DDX39A: variants seen among roughly 807,000 people sequenced by gnomAD.
DDX39A encodes ATP-dependent RNA helicase DDX39A.
DDX39A carries 13 observed loss-of-function variants against 46.3 expected under a neutral mutation model. That is an observed-to-expected ratio of 0.28 (90% CI 0.18 to 0.45). The LOEUF is 0.45. Ranked by LOEUF, DDX39A falls within the 20% of genes least tolerant of loss-of-function variation. DDX39A has a pLI of 1.00. For synonymous variants in DDX39A, 234 were observed against 224.6 expected (o/e 1.04, Z -0.38); for missense variants, 352 against 581.8 (o/e 0.61, Z 4.06).
Position 14,412,788 on chromosome 19 carries a change from C to T in DDX39A, c.209-110G>A, listed in dbSNP as rs576963740. On this transcript the variant is annotated intron_variant, in intron 2 of 10. Transcript: ENST00000242776. This position sits in a 1 kb window ranked among gnomAD's most constrained non-coding sequence, Gnocchi z 4.4. ...GAGGGCAATCAGAAGAGGCCGAGTC[C>T]GGACAAGGCCACAGACACCTGCAGG... 124 of 1,445,754 alleles carry T rather than the reference C, an allele frequency of 8.6e-5. 4 individuals are homozygous for T. The South Asian group carries it at 1.4e-3, about 16-fold the overall frequency. The allele number at this position is 1,445,754 out of a possible 1,614,324, so 89.6% of individuals were successfully genotyped here. A position where few individuals can be genotyped will look rare whatever the true frequency, so the allele number is the denominator to read the frequency against.
chr19:14,410,928 C>T lies in DDX39A; in HGVS notation c.613+61G>A. 1 of 1,460,804 alleles carries T rather than the reference C, an allele frequency of 6.8e-7. No homozygotes were observed. Among genetic ancestry groups the T allele is most frequent in the Non-Finnish European group, 9.1e-7 (1 of 1,100,398 alleles). 90.5% of individuals were successfully genotyped at this position (1,460,804 alleles called of 1,614,324 possible). A position where few individuals can be genotyped will look rare whatever the true frequency, so the allele number is the denominator to read the frequency against. On this transcript the variant is annotated intron_variant, in intron 5 of 10. Coordinates refer to ENST00000242776, the MANE Select transcript of DDX39A (RefSeq NM_005804.4). This position sits in a 1 kb window ranked among gnomAD's most constrained non-coding sequence, Gnocchi z 4.3. ...TGTAACCCACTCAAGAGCCTTCCGC[C>T]TGCTATGGGGCCCGCCTAGTCACTG...
intron 1 of DDX39A, among the ~76,000 whole-genome samples, chr19:14,414,310 G>C (rs1329875947): frequency 1.3e-5 from 2 of 150,028 alleles, no homozygotes; most frequent in East Asian, 3.9e-4. Flanking sequence ...CTGGCCCCAA[G>C]CTGCTATCAC....
At chr19:14,417,046 CA>C (rs1322491926) in intron 1 of DDX39A, among the ~76,000 whole-genome samples, 3 of 152,152 alleles carry the variant, frequency 2.0e-5, no homozygotes, top group African/African-American at 7.2e-5. Flanking sequence ...CTGAGCCACT[CA>C]ATCAGGATCT....
At position 14,410,823 on chromosome 19, in the gene DDX39A, G is replaced by T; in HGVS notation, c.613+166C>A. Reference sequence around the variant, plus strand: ...GGCCCCGTGGTCCCATTCGGCTCGGGCTCAGAAACAGCACATCCCTCTGCC... The same window carrying T: ...GGCCCCGTGGTCCCATTCGGCTCGGTCTCAGAAACAGCACATCCCTCTGCC... On this transcript the variant is annotated intron_variant, in intron 5 of 10. Coordinates refer to ENST00000242776, the MANE Select transcript of DDX39A (RefSeq NM_005804.4). This position sits in a 1 kb window ranked among gnomAD's most constrained non-coding sequence, Gnocchi z 4.3. 1 of 666,986 alleles carries T rather than the reference G, an allele frequency of 1.5e-6. No homozygotes were observed. Among genetic ancestry groups the T allele is most frequent in the Non-Finnish European group, 2.4e-6 (1 of 414,790 alleles). 41.3% of individuals were successfully genotyped at this position (666,986 alleles called of 1,614,324 possible). A position where few individuals can be genotyped will look rare whatever the true frequency, so the allele number is the denominator to read the frequency against.
At position 14,411,665 on chromosome 19, in the gene DDX39A, C is replaced by G; in HGVS notation, c.337-67G>C. On this transcript the variant is annotated intron_variant, in intron 3 of 10. Coordinates refer to ENST00000242776, the MANE Select transcript of DDX39A (RefSeq NM_005804.4). The surrounding 1 kb of genome is among the most constrained non-coding windows in gnomAD (Gnocchi z 4.1). ...TCCTAAACCCCTTCCCCACCAGAGT[C>G]CACCCAACCCAGTCCCCCTGACACT... 4.2e-6 allele frequency: 6 copies of G among 1,421,530 alleles called. No individual in the cohort carries two copies. The Middle Eastern group carries it at 7.0e-4, about 166-fold the overall frequency. 88.1% of individuals were successfully genotyped at this position (1,421,530 alleles called of 1,614,324 possible). A position where few individuals can be genotyped will look rare whatever the true frequency, so the allele number is the denominator to read the frequency against.
chr19:14,409,607 G>C lies in DDX39A; in HGVS notation c.903C>G (p.Ala301=), dbSNP rs1340119507. 1 of 1,612,160 alleles carries C rather than the reference G, an allele frequency of 6.2e-7. No homozygotes were observed. The highest frequency in any genetic ancestry group is 1.7e-5 in the Admixed American group (1 of 60,002). ...TCTGCTCCACGAGGAGCTGGGCCAG[G>C]GCCATGCAGCGCTGCACTGACTTGA... ...IFVKSVQRCM[A]LAQLLVEQNF... is the part of the protein sequence containing the mutation. The change falls in exon 8 of 11, where the codon GCC becomes GCG. Residue 301 remains alanine, a synonymous_variant. Coordinates refer to ENST00000242776, the MANE Select transcript of DDX39A (RefSeq NM_005804.4). The surrounding 1 kb of genome is among the most constrained non-coding windows in gnomAD (Gnocchi z 8.3).
rs1976472724 is a variant in DDX39A at position 14,409,583 on chromosome 19, C to A, written c.927G>T (p.Gln309His). Residue 309 changes from glutamine to histidine, a missense_variant, in exon 8 of 11, where the codon CAG (glutamine) becomes CAT (histidine). Around this residue, in one of 3 missense-constraint regions of DDX39A, gnomAD observed 301 missense variants for 469.9 expected, o/e 0.64. Coordinates refer to ENST00000242776, the MANE Select transcript of DDX39A (RefSeq NM_005804.4). The surrounding 1 kb of genome is among the most constrained non-coding windows in gnomAD (Gnocchi z 8.3). Reference sequence around the variant, plus strand: ...GGTGGATGGCGATGGCCGGGAAGTTCTGCTCCACGAGGAGCTGGGCCAGGG... The same window carrying A: ...GGTGGATGGCGATGGCCGGGAAGTTATGCTCCACGAGGAGCTGGGCCAGGG... ...CMALAQLLVE[Q>H]NFPAIAIHRG... 1 of 1,611,496 alleles carries A rather than the reference C, an allele frequency of 6.2e-7. No homozygotes were observed. The highest frequency in any genetic ancestry group is 8.5e-7 in the Non-Finnish European group (1 of 1,179,380).
intron 1 of DDX39A, among the ~76,000 whole-genome samples, chr19:14,414,342 T>C (rs1165468358): frequency 2.2e-5 from 3 of 134,748 alleles, no homozygotes; most frequent in Non-Finnish European, 3.2e-5. Flanking sequence ...TTATTATTAT[T>C]ATTATTATTA....
rs1481068695 is a variant in DDX39A, at chr19:14,411,310, A to T, written c.430-138T>A. ...GCCTCCCGGGGCTCCACTCAAAGGC[A>T]GCCCCAGGCTGGGACCTGCGCAGGC... On this transcript the variant is annotated intron_variant, in intron 4 of 10. Transcript: ENST00000242776. This position sits in a 1 kb window ranked among gnomAD's most constrained non-coding sequence, Gnocchi z 4.1. The T allele has an allele frequency of 1.2e-5, 14 of 1,145,546 alleles. No homozygotes were observed. The highest frequency in any genetic ancestry group is 5.0e-5 in the Admixed American group (2 of 40,040). The allele number at this position is 1,145,546 out of a possible 1,614,324, so 71.0% of individuals were successfully genotyped here.
At position 14,409,044 on chromosome 19, in the gene DDX39A, G is replaced by C. The variant is rs1455661523; in HGVS notation, c.1260C>G (p.Ser420=). The C allele has an allele frequency of 6.2e-7, 1 of 1,614,244 alleles. No individual in the cohort carries two copies. Among genetic ancestry groups the C allele is most frequent in the East Asian group, 2.2e-5 (1 of 44,884 alleles). The part of the protein sequence containing the change: ...VAELPEEIDI[S]TYIEQSR ...CCTGCCCAAGGCACTTACTGTATGT[G>C]GAGATGTCGATTTCCTCTGGAAGTT... The change falls in exon 10 of 11, where the codon TCC becomes TCG. Residue 420 remains serine (S), a synonymous_variant. Transcript: ENST00000242776. The surrounding 1 kb of genome is among the most constrained non-coding windows in gnomAD (Gnocchi z 8.3).
Position 14,412,600 on chromosome 19 carries a change from G to A in DDX39A, c.287C>T (p.Ala96Val), listed in dbSNP as rs374281705. Residue 96 changes from alanine (A) to valine (V), a missense_variant, in exon 3 of 11, where the codon GCG (alanine) becomes GTG (valine). By Grantham distance (64) the Ala-to-Val change is moderately conservative. Around this residue, in one of 3 missense-constraint regions of DDX39A, gnomAD observed 301 missense variants for 469.9 expected, o/e 0.64. Coordinates refer to ENST00000242776, the MANE Select transcript of DDX39A (RefSeq NM_005804.4). This position sits in a 1 kb window ranked among gnomAD's most constrained non-coding sequence, Gnocchi z 4.4. Reference protein sequence around the residue: ...CQAKSGMGKTAVFVLATLQQI... With the variant: ...CQAKSGMGKTVVFVLATLQQI... ...CTGTAGGGTGGCCAGCACGAAGACC[G>A]CTGTCTTGCCCATCCCGGACTTGGC... 5.0e-6 allele frequency: 8 copies of A among 1,610,748 alleles called. No individual in the cohort carries two copies. The African/African-American group carries it at 6.7e-5, about 13-fold the overall frequency.
chr19:14,411,767 T>TCCTATA lies in DDX39A; in HGVS notation c.337-170_337-169insTATAGG, dbSNP rs1202145598. ...CTCACGGCCCTTCCCCACCCCTCAC[T>TCCTATA]CCCTATACCCTCCCACAGCTATTGA... On this transcript the variant is annotated intron_variant, in intron 3 of 10. Coordinates refer to ENST00000242776, the MANE Select transcript of DDX39A (RefSeq NM_005804.4). This position sits in a 1 kb window ranked among gnomAD's most constrained non-coding sequence, Gnocchi z 4.1. Among the ~76,000 whole-genome samples the TCCTATA allele has an allele frequency of 6.1e-5, 9 of 147,294 alleles. No individual in the cohort carries two copies. Among genetic ancestry groups the TCCTATA allele is most frequent in the African/African-American group, 2.3e-4 (9 of 39,552 alleles).
chr19:14,409,440 G>A lies in DDX39A; in HGVS notation c.982C>T (p.Arg328Cys), dbSNP rs771494825. 38 of 1,613,956 alleles carry A rather than the reference G, an allele frequency of 2.4e-5. No individual in the cohort carries two copies. Among genetic ancestry groups the A allele is most frequent in the South Asian group, 6.6e-5 (6 of 91,088 alleles). The change falls in exon 9 of 11, where the codon CGC becomes TGC. Residue 328 changes from arginine (R) to cysteine (C), a missense_variant. Arg to Cys is a radical substitution (Grantham distance 180, BLOSUM62 -3). Coordinates refer to ENST00000242776, the MANE Select transcript of DDX39A (RefSeq NM_005804.4). This position sits in a 1 kb window ranked among gnomAD's most constrained non-coding sequence, Gnocchi z 8.3. Reference protein sequence around the residue: ...RGMAQEERLSRYQQFKDFQRR... With the variant: ...RGMAQEERLSCYQQFKDFQRR... The stretch of plus-strand genomic sequence containing the variant: ...TGGAAATCCTTGAACTGCTGATAGC[G>A]TGACAGGCTGGGGTGCAGGAGAAAC...
At chr19:14,418,232 A>T (rs1976898733) in intron 1 of DDX39A, among the ~76,000 whole-genome samples, 1 of 152,086 alleles carries the variant, frequency 6.6e-6, no homozygotes, top group Non-Finnish European at 1.5e-5. Context: ...TCTAAAGCTC[A>T]AAACTGATTA....
intron 1 of DDX39A, chr19:14,416,324 C>T (rs987201738): frequency 1.3e-5 from 2 of 152,304 alleles, no homozygotes; most frequent in African/African-American, 4.8e-5. Context: ...AAATCCCCCA[C>T]TTCTTTTGGG....
intron 1 of DDX39A, among the ~76,000 whole-genome samples, chr19:14,416,619 T>C (rs1976819052): frequency 6.6e-6 from 1 of 152,204 alleles, no homozygotes; most frequent in Non-Finnish European, 1.5e-5. Flanking sequence ...TAGGACTAGC[T>C]GGCTGGCGTC....
chr19:14,412,783 G>T lies in DDX39A; in HGVS notation c.209-105C>A. On this transcript the variant is annotated intron_variant, in intron 2 of 10. Coordinates refer to ENST00000242776, the MANE Select transcript of DDX39A (RefSeq NM_005804.4). The surrounding 1 kb of genome is among the most constrained non-coding windows in gnomAD (Gnocchi z 4.4). Reference sequence around the variant, plus strand: ...ACAGTGAGGGCAATCAGAAGAGGCCGAGTCCGGACAAGGCCACAGACACCT... The same window carrying T: ...ACAGTGAGGGCAATCAGAAGAGGCCTAGTCCGGACAAGGCCACAGACACCT... 1 of 1,467,828 alleles carries T rather than the reference G, an allele frequency of 6.8e-7. No homozygotes were observed. The highest frequency in any genetic ancestry group is 1.3e-5 in the South Asian group (1 of 77,272). The allele number at this position is 1,467,828 out of a possible 1,614,324, so 90.9% of individuals were successfully genotyped here.
At position 14,413,134 on chromosome 19, in the gene DDX39A, G is replaced by T. The variant is rs1157039217; in HGVS notation, c.87C>A (p.Pro29=). The stretch of plus-strand genomic sequence containing the variant: ...AGGATCCCTTGATGTCTTTCTTAGG[G>T]GGAGCTGGTGTGCTCTCTTGAGGAG... ...PQAPQESTPA[P]PKKDIKGSYV... is the part of the protein sequence containing the mutation. The change falls in exon 2 of 11, where the codon CCC becomes CCA. Residue 29 remains proline, a synonymous_variant. Coordinates refer to ENST00000242776, the MANE Select transcript of DDX39A (RefSeq NM_005804.4). 1 of 1,614,142 alleles carries T rather than the reference G, an allele frequency of 6.2e-7. No individual in the cohort carries two copies. The highest frequency in any genetic ancestry group is 1.1e-5 in the South Asian group (1 of 91,092).
intron 1 of DDX39A, 125 bp from the exon 2 acceptor site, chr19:14,413,349 C>A (rs995171005): frequency 2.4e-6 from 2 of 837,268 alleles, no homozygotes; most frequent in African/African-American, 3.4e-5. Context: ...GGCTGCACCT[C>A]GCAGCTTCGC....
Sources: allele counts gnomAD v4.1 joint callset (sites outside exome capture counted in the v4.1 genomes callset), GRCh38; gene constraint gnomAD v4.1.1; regional missense constraint gnomAD v4.1.1; non-coding constraint Gnocchi (gnomAD v3.1); transcripts MANE v1.5; gene names NCBI Gene and HGNC (gene_info 2026-07-23, HGNC 2026-07-21).